Variants in METTL14 observed in about 807,000 individuals in gnomAD.
METTL14 encodes methyltransferase 14, N6-adenosine-methyltransferase non-catalytic subunit.
METTL14 carries 32 observed loss-of-function variants against 62.4 expected under a neutral mutation model. The ratio of observed to expected loss-of-function variants is 0.51; its 90% CI spans 0.39 to 0.69. The LOEUF (loss-of-function observed/expected upper bound fraction) is 0.69. Ranked by LOEUF, METTL14 falls within the 30% of genes least tolerant of loss-of-function variation. METTL14 has a pLI of 0.00. For synonymous variants in METTL14, 150 were observed against 180.0 expected (o/e 0.83, Z 1.34); for missense variants, 340 against 551.9 (o/e 0.62, Z 3.85).
intron 7 of METTL14, among the ~76,000 whole-genome samples, chr4:118,699,254 C>T (rs1169792337): frequency 6.6e-6 from 1 of 152,176 alleles, no homozygotes; most frequent in Non-Finnish European, 1.5e-5. Flanking sequence ...TCTTCCTCTT[C>T]CTTGAAACTT....
rs1286596596 is a variant in METTL14, at chr4:118,697,330, T to A, written c.645+7T>A. 2 of 1,588,582 alleles carry A rather than the reference T, an allele frequency of 1.3e-6. No homozygotes were observed. The highest frequency in any genetic ancestry group is 1.9e-5 in the Admixed American group (1 of 53,028). On this transcript the variant is annotated splice_region_variant and intron_variant, in intron 7 of 10. Transcript: ENST00000388822. The stretch of plus-strand genomic sequence containing the variant: ...ATGCTGGACTTGGGATGATGTATGA[T>A]CAAACTTTCTACATTGTAATGAATT...
At chr4:118,692,564 G>T (rs1216534234) in intron 5 of METTL14, among the ~76,000 whole-genome samples, 2 of 152,024 alleles carry the variant, frequency 1.3e-5, no homozygotes, top group Admixed American at 6.5e-5. Flanking sequence ...CACCGCTCCA[G>T]GCCCTGTATA....
chr4:118,696,645 G>A (rs187065647), intron 6 of METTL14, among the ~76,000 whole-genome samples: 135 of 152,194 alleles, frequency 8.9e-4, no homozygotes, highest in Non-Finnish European at 1.7e-3. Flanking sequence ...GTAAAGGCCA[G>A]TAATAACTTA....
At chr4:118,687,532 G>T (rs1012260694) in intron 1 of METTL14, among the ~76,000 whole-genome samples, 1 of 152,094 alleles carries the variant, frequency 6.6e-6, no homozygotes, top group Non-Finnish European at 1.5e-5. Context: ...ATTGACTTAC[G>T]GTGGAGTTGT....
intron 8 of METTL14, among the ~76,000 whole-genome samples, chr4:118,703,478 A>G (rs1724664470): frequency 6.6e-6 from 1 of 152,262 alleles, no homozygotes; most frequent in African/African-American, 2.4e-5. Context: ...AATAGAAATA[A>G]GATTTTATAA....
At chr4:118,689,132 C>T (rs147929595) in intron 2 of METTL14, among the ~76,000 whole-genome samples, 2,031 of 152,202 alleles carry the variant, frequency 0.013, 18 homozygotes, top group Non-Finnish European at 0.02. Flanking sequence ...AATTTATTTT[C>T]AATATATCCC....
intron 7 of METTL14, among the ~76,000 whole-genome samples, chr4:118,698,605 T>G (rs1724496057): frequency 6.6e-6 from 1 of 151,398 alleles, no homozygotes; most frequent in Non-Finnish European, 1.5e-5. Context: ...GTTTAGGAGG[T>G]AGATTTAGTA....
At chr4:118,695,250 T>A (rs1724372141) in intron 6 of METTL14, among the ~76,000 whole-genome samples, 1 of 152,154 alleles carries the variant, frequency 6.6e-6, no homozygotes, top group South Asian at 2.1e-4. Context: ...ATATTTTTTC[T>A]TCTTAAAAGT....
chr4:118,703,810 C>T (rs1324088157), intron 8 of METTL14, 125 bp from the exon 9 acceptor site: 6 of 557,712 alleles, frequency 1.1e-5, no homozygotes, highest in South Asian at 8.4e-5. Context: ...AACAAAATTA[C>T]CTTGAAACCT....
At position 118,710,221 on chromosome 4, in the gene METTL14, T is replaced by C. The variant is rs765992639; in HGVS notation, c.1290T>C (p.Asn430=). The part of the protein sequence containing the change: ...GTSAGRGRER[N]RSNFRGERGG... ...CTGCTGGCCGTGGACGAGAAAGAAATAGATCTAACTTCCGAGGAGAAAGAG... is the reference window on the plus strand; with the variant it reads ...CTGCTGGCCGTGGACGAGAAAGAAACAGATCTAACTTCCGAGGAGAAAGAG... Residue 430 remains asparagine (N), a synonymous_variant, in exon 11 of 11, where the codon AAT becomes AAC. Transcript: ENST00000388822. 9.9e-6 allele frequency: 16 copies of C among 1,614,106 alleles called. No homozygotes were observed. The Admixed American group carries it at 1.0e-4, about 10-fold the overall frequency.
At position 118,712,274 on chromosome 4, in the gene METTL14, C is replaced by T. The variant is rs1032438285; in HGVS notation, c.*1972C>T. 5.3e-5 allele frequency: 8 copies of T among 152,174 alleles called. No homozygotes were observed. The highest frequency in any genetic ancestry group is 1.7e-4 in the African/African-American group (7 of 41,434). The allele number at this position is 152,174 out of a possible 1,614,324, so 9.4% of individuals were successfully genotyped here. On this transcript the variant is annotated 3_prime_UTR_variant, in exon 11 of 11. Transcript: ENST00000388822. ...CAATGAAATTTCATTACTCTGACCT[C>T]TTCTAATTTTTGGTCTTCTTTATAT...
intron 8 of METTL14, 133 bp from the exon 9 acceptor site, chr4:118,703,802 C>A (rs1255701179): frequency 3.6e-6 from 2 of 549,240 alleles, no homozygotes; most frequent in African/African-American, 2.0e-5. Context: ...TACACTGAAA[C>A]AAAATTACCT....
In METTL14 at chr4:118,704,031, GCTGT is replaced by G; in HGVS notation, c.838_841del (p.Val280PhefsTer16). On this transcript the variant is annotated frameshift_variant, in exon 9 of 11. Transcript: ENST00000388822. LOFTEE classifies it high-confidence loss of function. ...GAAGACTAAGACTTTAGATCCAAAG[GCTGT>G]CTTTCAGAGAACAAAGGTATTGCCT... The G allele has an allele frequency of 1.3e-6, 2 of 1,581,036 alleles. No individual in the cohort carries two copies. Among genetic ancestry groups the G allele is most frequent in the Non-Finnish European group, 1.7e-6 (2 of 1,168,416 alleles).
intron 1 of METTL14, 44 bp from the exon 2 acceptor site, chr4:118,687,879 A>C (rs76265083): frequency 1.3e-6 from 2 of 1,533,374 alleles, no homozygotes; most frequent in South Asian, 2.3e-5. Context: ...CAGAAAGGCT[A>C]TCCAGTGCAT....
chr4:118,698,777 A>G (rs1204318612), intron 7 of METTL14, among the ~76,000 whole-genome samples: 1 of 152,156 alleles, frequency 6.6e-6, no homozygotes, highest in Non-Finnish European at 1.5e-5. Context: ...GGTATATGTG[A>G]GACATTCAAA....
intron 3 of METTL14, among the ~76,000 whole-genome samples, chr4:118,690,387 A>G (rs1268725810): frequency 2.0e-4 from 30 of 152,040 alleles, no homozygotes; most frequent in Admixed American, 2.0e-3. Context: ...TAAGTGTATC[A>G]TAAACCTTGG....
intron 4 of METTL14, 112 bp downstream of exon 4, chr4:118,691,724 T>C (rs1259372492): frequency 1.6e-6 from 1 of 608,976 alleles, no homozygotes; most frequent in African/African-American, 1.9e-5. Flanking sequence ...TGAGGGATCA[T>C]TGTTATAAAA....
At position 118,689,666 on chromosome 4, in the gene METTL14, C is replaced by T. The variant is rs1251200378; in HGVS notation, c.243+209C>T. Among the ~76,000 whole-genome samples the T allele has an allele frequency of 4.2e-5, 6 of 142,650 alleles. No homozygotes were observed. The South Asian group carries it at 6.6e-4, about 16-fold the overall frequency. The allele number at this position is 142,650 out of a possible 152,430, so 93.6% of individuals were successfully genotyped here. ...TCTTTTCCTTTTTTTTTTTTTGTGA[C>T]GGAGTCTCGCTCTGTCGCCAGGCTG... On this transcript the variant is annotated intron_variant, in intron 3 of 10. Coordinates refer to ENST00000388822, the MANE Select transcript of METTL14 (RefSeq NM_020961.4).
In METTL14 at chr4:118,696,062, T is replaced by C. The variant is rs142408608; in HGVS notation, c.504-1120T>C. ...TGAACCCAGGAGGTGGAGTTTGCAG[T>C]GAGCCGAGATTGTGCCACTGCACTC... On this transcript the variant is annotated intron_variant, in intron 6 of 10. Coordinates refer to ENST00000388822, the MANE Select transcript of METTL14 (RefSeq NM_020961.4). 2.3e-3 allele frequency among the ~76,000 whole-genome samples: 299 copies of C among 129,500 alleles called. 1 individual carries two copies. The highest frequency in any genetic ancestry group is 0.011 in the Middle Eastern group (2 of 180). 85.0% of individuals were successfully genotyped at this position (129,500 alleles called of 152,430 possible).
Sources: gnomAD v4.1 joint callset for allele counts (sites outside exome capture counted in the v4.1 genomes callset) on GRCh38, gnomAD v4.1.1 for gene constraint, MANE v1.5 for transcripts, NCBI Gene and HGNC (gene_info 2026-07-23, HGNC 2026-07-21) for gene names.